Variants in CASK observed in about 807,000 individuals in gnomAD.
The protein encoded by CASK is calcium/calmodulin dependent serine protein kinase, also known as peripheral plasma membrane protein CASK.
A neutral mutation model predicts 82.9 loss-of-function variants in CASK; 4 were observed. The ratio of observed to expected loss-of-function variants is 0.05; its 90% CI spans 0.02 to 0.11. The LOEUF (loss-of-function observed/expected upper bound fraction) is 0.11, where lower values mean the gene tolerates loss of function less well. Ranked by LOEUF, CASK falls within the 10% of genes least tolerant of loss-of-function variation. The probability of loss-of-function intolerance (pLI) is 1.00; values close to 1 mark genes in which losing one functional copy is unlikely to be tolerated. For missense variants in CASK, 358 were observed against 720.9 expected, an observed-to-expected ratio of 0.50 and a Z score of 5.76; for synonymous variants, 259 against 253.5, an observed-to-expected ratio of 1.02 and a Z score of -0.20.
intron 12 of CASK, among the ~76,000 whole-genome samples, chrX:41,590,403 G>A (rs770271149): frequency 1.9e-5 from 2 of 105,856 alleles, no homozygotes; most frequent in Non-Finnish European, 3.9e-5. Flanking sequence ...CCAACTACTC[G>A]GGAGGCTGAG....
At chrX:41,760,855 C>T (rs1182290157) in intron 3 of CASK, among the ~76,000 whole-genome samples, 1 of 111,607 alleles carries the variant, frequency 9.0e-6, no homozygotes, top group Non-Finnish European at 1.9e-5. Context: ...AGTTTAAACA[C>T]ACTTTTTTTT....
intron 5 of CASK, 37 bp downstream of exon 5, chrX:41,739,347 T>C (rs372749260): frequency 6.6e-5 from 56 of 845,861 alleles, no homozygotes; most frequent in Non-Finnish European, 9.7e-5. Flanking sequence ...CAGTATTTCT[T>C]CACAAACATT....
intron 5 of CASK, among the ~76,000 whole-genome samples, chrX:41,716,253 A>G (rs965427428): frequency 1.8e-5 from 2 of 112,304 alleles, no homozygotes; most frequent in Non-Finnish European, 3.8e-5. Context: ...AATGTTCAGC[A>G]ATGGGCAGAG....
intron 1 of CASK, among the ~76,000 whole-genome samples, chrX:41,884,129 A>G (rs2072003296): frequency 8.9e-6 from 1 of 112,331 alleles, no homozygotes; most frequent in African/African-American, 3.2e-5. Context: ...CCCCTAGAGC[A>G]GAGCCAGGGC....
intron 4 of CASK, chrX:41,743,775 T>C: frequency 3.4e-6 from 1 of 295,921 alleles, no homozygotes; most frequent in Non-Finnish European, 5.9e-6. Flanking sequence ...GAGGAAATCA[T>C]TTAATATAAC....
intron 5 of CASK, among the ~76,000 whole-genome samples, chrX:41,677,288 T>C (rs1176911508): frequency 9.0e-6 from 1 of 110,956 alleles, no homozygotes; most frequent in Admixed American, 9.6e-5. Context: ...TTTACAGCCA[T>C]GGTAAGGAAT....
chrX:41,845,057 AG>A (rs1401482408), intron 2 of CASK, among the ~76,000 whole-genome samples: 3 of 111,755 alleles, frequency 2.7e-5, no homozygotes, highest in African/African-American at 9.8e-5. Context: ...GTATGATTTC[AG>A]ATATTTTAAA....
At chrX:41,908,949 C>T (rs1248386135) in intron 1 of CASK, among the ~76,000 whole-genome samples, 1 of 112,019 alleles carries the variant, frequency 8.9e-6, no homozygotes, top group Non-Finnish European at 1.9e-5. Context: ...AAATAAATGA[C>T]GGTGGCTGTG....
chrX:41,753,091 T>A (rs1290797953), intron 3 of CASK, among the ~76,000 whole-genome samples: 1 of 112,175 alleles, frequency 8.9e-6, no homozygotes, highest in Non-Finnish European at 1.9e-5. Flanking sequence ...TATAGACATA[T>A]ATTTATTGAC....
chrX:41,786,465 C>T (rs1334591818), intron 3 of CASK, among the ~76,000 whole-genome samples: 1 of 107,087 alleles, frequency 9.3e-6, no homozygotes, highest in Non-Finnish European at 1.9e-5. Context: ...AACTCCTGGC[C>T]TCAATCAATC....
chrX:41,838,728 C>A (rs1288905065), intron 2 of CASK, among the ~76,000 whole-genome samples: 3 of 110,729 alleles, frequency 2.7e-5, no homozygotes, highest in Non-Finnish European at 5.7e-5. Flanking sequence ...CCACTGAACT[C>A]CAGCCTGGGC....
intron 1 of CASK, among the ~76,000 whole-genome samples, chrX:41,879,760 T>C (rs1164934073): frequency 8.9e-6 from 1 of 112,118 alleles, no homozygotes; most frequent in African/African-American, 3.2e-5. Flanking sequence ...ATTCAAGACT[T>C]ATGGCTATTT....
chrX:41,866,891 C>T (rs1159125425), intron 1 of CASK, among the ~76,000 whole-genome samples: 1 of 111,452 alleles, frequency 9.0e-6, no homozygotes, highest in Admixed American at 9.5e-5. Context: ...TTGATGAATA[C>T]CAACTAACCA....
At chrX:41,817,258 A>G (rs1290694957) in intron 2 of CASK, among the ~76,000 whole-genome samples, 2 of 112,238 alleles carry the variant, frequency 1.8e-5, no homozygotes, top group Non-Finnish European at 3.8e-5. Context: ...CCTACAGCTA[A>G]TATTAATACT....
chrX:41,563,062 A>G (rs1205524871), intron 16 of CASK, among the ~76,000 whole-genome samples: 8 of 102,156 alleles, frequency 7.8e-5, no homozygotes, highest in African/African-American at 1.1e-4. Flanking sequence ...AAAAAAAAAA[A>G]AAAGAAAAGA....
intron 5 of CASK, chrX:41,695,421 T>C (rs185999695): frequency 4.5e-4 from 122 of 268,672 alleles, no homozygotes; most frequent in African/African-American, 3.0e-3. Context: ...GTTCAAGCAA[T>C]CCTTCTGCTG....
In CASK at chrX:41,586,796, T is replaced by C. The variant is rs190005171; in HGVS notation, c.1314+111A>G. 64 of 519,402 alleles carry C rather than the reference T, an allele frequency of 1.2e-4. No individual in the cohort carries two copies. In the Admixed American group the frequency reaches 1.4e-3, roughly 11 times the overall value. The allele number at this position is 519,402 out of a possible 1,213,427, so 42.8% of individuals were successfully genotyped here. A position where few individuals can be genotyped will look rare whatever the true frequency, so the allele number is the denominator to read the frequency against. ...GTATTGTAATCTTAATAGTCTCATA[T>C]GATATGGATAAAAATGCATGAGATG... On this transcript the variant is annotated intron_variant, in intron 14 of 26. Transcript: ENST00000378163.
At chrX:41,673,178 C>T (rs1176015181) in intron 5 of CASK, among the ~76,000 whole-genome samples, 1 of 112,400 alleles carries the variant, frequency 8.9e-6, no homozygotes, top group Admixed American at 9.4e-5. Flanking sequence ...GATGTTTAGG[C>T]TTAAGTTAAT....
intron 21 of CASK, among the ~76,000 whole-genome samples, chrX:41,545,849 T>A (rs774836927): frequency 3.7e-5 from 4 of 107,931 alleles, no homozygotes; most frequent in Non-Finnish European, 7.7e-5. Context: ...CGAGACGAAG[T>A]CTTACTCTGT....
Sources: gnomAD v4.1 joint callset for allele counts (sites outside exome capture counted in the v4.1 genomes callset) on GRCh38, gnomAD v4.1.1 for gene constraint, MANE v1.5 for transcripts, NCBI Gene and HGNC (gene_info 2026-07-23, HGNC 2026-07-21) for gene names.